ACTL6B: variants seen among roughly 807,000 people sequenced by gnomAD.
The protein encoded by ACTL6B is actin like 6B.
Under a neutral mutation model 63.3 loss-of-function variants are expected in ACTL6B, and 48 were observed. The observed-to-expected ratio is 0.76, with a 90% CI of 0.60 to 0.96. ACTL6B has a LOEUF of 0.96. Ranked by LOEUF, ACTL6B falls within the 50% of genes least tolerant of loss-of-function variation. The probability of loss-of-function intolerance (pLI) is 0.00; values close to 1 mark genes in which losing one functional copy is unlikely to be tolerated. For missense variants in ACTL6B, 350 were observed against 572.2 expected (o/e 0.61, Z 3.96); for synonymous variants, 230 against 223.8 (o/e 1.03, Z -0.25).
chr7:100,648,475 A>G lies in ACTL6B; in HGVS notation c.669+81T>C, dbSNP rs1803868593. On this transcript the variant is annotated intron_variant, in intron 7 of 13. Coordinates refer to ENST00000160382, the MANE Select transcript of ACTL6B (RefSeq NM_016188.5). This position sits in a 1 kb window ranked among gnomAD's most constrained non-coding sequence, Gnocchi z 4.4. ...GGAGCCTGCTGCTCTCTGCTCTGAT[A>G]TCTCATGTGTCAGAGGGTTGACGGC... The G allele has an allele frequency of 5.8e-5, 71 of 1,230,958 alleles. No homozygotes were observed. The highest frequency in any genetic ancestry group is 3.9e-4 in the East Asian group (15 of 38,368). 76.3% of individuals were successfully genotyped at this position (1,230,958 alleles called of 1,614,324 possible). A position where few individuals can be genotyped will look rare whatever the true frequency, so the allele number is the denominator to read the frequency against.
At position 100,647,661 on chromosome 7, in the gene ACTL6B, G is replaced by C. The variant is rs977041963; in HGVS notation, c.670-128C>G. On this transcript the variant is annotated intron_variant, in intron 7 of 13. Coordinates refer to ENST00000160382, the MANE Select transcript of ACTL6B (RefSeq NM_016188.5). This position sits in a 1 kb window ranked among gnomAD's most constrained non-coding sequence, Gnocchi z 4.4. Reference sequence around the variant, plus strand: ...CTCTGCTGTGCTGCCTGCAAGAGGGGTTTCTCACCCTTCCCTGATGGAGAG... The same window carrying C: ...CTCTGCTGTGCTGCCTGCAAGAGGGCTTTCTCACCCTTCCCTGATGGAGAG... The C allele has an allele frequency of 3.0e-6, 2 of 668,686 alleles. No individual in the cohort carries two copies. The highest frequency in any genetic ancestry group is 3.6e-5 in the African/African-American group (2 of 55,470). 41.4% of individuals were successfully genotyped at this position (668,686 alleles called of 1,614,324 possible).
Position 100,646,374 on chromosome 7 carries a change from G to T in ACTL6B, c.1114-39C>A. 1 of 1,606,264 alleles carries T rather than the reference G, an allele frequency of 6.2e-7. No individual in the cohort carries two copies. Among genetic ancestry groups the T allele is most frequent in the Non-Finnish European group, 8.5e-7 (1 of 1,175,496 alleles). On this transcript the variant is annotated intron_variant, in intron 12 of 13. Transcript: ENST00000160382. The surrounding 1 kb of genome is among the most constrained non-coding windows in gnomAD (Gnocchi z 6.1). ...GGGGCTGGGGGAAGCAGACACCTAG[G>T]TTCTGGGAAGGGACAGGGCTTGGGG...
chr7:100,644,500 T>A (rs756695655), intron 13 of ACTL6B, among the ~76,000 whole-genome samples: 2 of 152,062 alleles, frequency 1.3e-5, no homozygotes, highest in Non-Finnish European at 2.9e-5. Context: ...GTCACCCAGG[T>A]TGGAATGCAG....
chr7:100,643,726 G>A (rs1301924522), intron 13 of ACTL6B, among the ~76,000 whole-genome samples: 5 of 151,876 alleles, frequency 3.3e-5, no homozygotes, highest in South Asian at 2.1e-4. Context: ...TTGGAACACC[G>A]CCAGTCTCCC....
chr7:100,647,658 G>C lies in ACTL6B; in HGVS notation c.670-125C>G. ...AGGCTCTGCTGTGCTGCCTGCAAGAGGGGTTTCTCACCCTTCCCTGATGGA... is the reference window on the plus strand; with the variant it reads ...AGGCTCTGCTGTGCTGCCTGCAAGACGGGTTTCTCACCCTTCCCTGATGGA... On this transcript the variant is annotated intron_variant, in intron 7 of 13. Coordinates refer to ENST00000160382, the MANE Select transcript of ACTL6B (RefSeq NM_016188.5). This position sits in a 1 kb window ranked among gnomAD's most constrained non-coding sequence, Gnocchi z 4.4. 1 of 692,678 alleles carries C rather than the reference G, an allele frequency of 1.4e-6. No homozygotes were observed. Among genetic ancestry groups the C allele is most frequent in the African/African-American group, 1.8e-5 (1 of 55,954 alleles). 42.9% of individuals were successfully genotyped at this position (692,678 alleles called of 1,614,324 possible).
In ACTL6B at chr7:100,656,315, C is replaced by T; in HGVS notation, c.25+15G>A. 2 of 1,384,604 alleles carry T rather than the reference C, an allele frequency of 1.4e-6. No individual in the cohort carries two copies. Among genetic ancestry groups the T allele is most frequent in the Non-Finnish European group, 9.4e-7 (1 of 1,066,088 alleles). The allele number at this position is 1,384,604 out of a possible 1,614,324, so 85.8% of individuals were successfully genotyped here. On this transcript the variant is annotated intron_variant, in intron 1 of 13. Coordinates refer to ENST00000160382, the MANE Select transcript of ACTL6B (RefSeq NM_016188.5). ...ACGCAGGGCTGCGGGAGCCGGGGGC[C>T]CGAGGCTCGCTCACCTCCGCCGTAG...
Position 100,648,281 on chromosome 7 carries a change from G to C in ACTL6B, c.669+275C>G. 3.6e-6 allele frequency: 1 copy of C among 280,424 alleles called. No individual in the cohort carries two copies. Among genetic ancestry groups the C allele is most frequent in the African/African-American group, 2.2e-5 (1 of 45,524 alleles). 17.4% of individuals were successfully genotyped at this position (280,424 alleles called of 1,614,324 possible). ...CCGGTCCTGCAGCTCTTGCACGGCAGAGGCAGAACTTGAACCTGGGTCTAT... is the reference window on the plus strand; with the variant it reads ...CCGGTCCTGCAGCTCTTGCACGGCACAGGCAGAACTTGAACCTGGGTCTAT... On this transcript the variant is annotated intron_variant, in intron 7 of 13. Coordinates refer to ENST00000160382, the MANE Select transcript of ACTL6B (RefSeq NM_016188.5). The surrounding 1 kb of genome is among the most constrained non-coding windows in gnomAD (Gnocchi z 4.4).
Position 100,647,379 on chromosome 7 carries a change from C to G in ACTL6B, c.759+65G>C, listed in dbSNP as rs1803844362. 2 of 1,595,718 alleles carry G rather than the reference C, an allele frequency of 1.3e-6. No homozygotes were observed. Among genetic ancestry groups the G allele is most frequent in the East Asian group, 4.5e-5 (2 of 44,804 alleles). The stretch of plus-strand genomic sequence containing the variant: ...CCCTGCTCCCCCTCCCATGCGGGGC[C>G]TCTGTCCCGCCCCCGATTCATGGCA... On this transcript the variant is annotated intron_variant, in intron 8 of 13. Transcript: ENST00000160382. This position sits in a 1 kb window ranked among gnomAD's most constrained non-coding sequence, Gnocchi z 4.4.
intron 4 of ACTL6B, among the ~76,000 whole-genome samples, chr7:100,654,246 A>G (rs1803995730): frequency 6.6e-6 from 1 of 151,742 alleles, no homozygotes; most frequent in Admixed American, 6.6e-5. Flanking sequence ...TGCTGGGATT[A>G]CAGGCGTGAG....
intron 4 of ACTL6B, among the ~76,000 whole-genome samples, chr7:100,654,231 C>G (rs573923007): frequency 6.6e-6 from 1 of 151,736 alleles, no homozygotes; most frequent in Non-Finnish European, 1.5e-5. Context: ...CTCGGCCTCC[C>G]AAAGTGCTGG....
rs1212380199 is a variant in ACTL6B, at chr7:100,650,123, C to A, written c.382G>T (p.Ala128Ser). Residue 128 changes from alanine (A) to serine (S), a missense_variant, in exon 5 of 14, where the codon GCC becomes TCC. Ala to Ser is a moderately conservative substitution (Grantham distance 99). This residue lies in a region of ACTL6B where 250 missense variants were observed against 364.7 expected (regional missense o/e 0.69). Coordinates refer to ENST00000160382, the MANE Select transcript of ACTL6B (RefSeq NM_016188.5). The stretch of plus-strand genomic sequence containing the variant: ...AGCTCTGTCAGCTTCTCCCGCTTGG[C>A]CCGTGTGTTCCACTGTGGAGAAAGT... ...LMSEAPWNTR[A>S]KREKLTELMF... The A allele has an allele frequency of 9.9e-6, 16 of 1,613,662 alleles. No homozygotes were observed. Among genetic ancestry groups the A allele is most frequent in the Non-Finnish European group, 1.4e-5 (16 of 1,179,942 alleles).
At chr7:100,652,999 C>CAAAAAAAAAAAAAAAAA (rs58707737) in intron 4 of ACTL6B, among the ~76,000 whole-genome samples, 2 of 25,948 alleles carry the variant, frequency 7.7e-5, no homozygotes, top group Admixed American at 7.5e-4. Context: ...AACTCCGTCT[C>CAAAAAAAAAAAAAAAAA]AAAAAAAAAA....
In ACTL6B at chr7:100,643,305, T is replaced by G. The variant is rs559069122; in HGVS notation, c.1222A>C (p.Ile408Leu). The change falls in exon 14 of 14, where the codon ATC (isoleucine) becomes CTC (leucine). Residue 408 changes from isoleucine (I) to leucine (L), a missense_variant. Ile to Leu is a conservative substitution (Grantham distance 5, BLOSUM62 2). Around this residue, in one of 3 missense-constraint regions of ACTL6B, gnomAD observed 76 missense variants for 126.1 expected, o/e 0.60. Transcript: ENST00000160382. ...ASLGTFQQMW[I>L]SKQEYEEGGK... ...CCCTCCTCATATTCCTGCTTGGAGA[T>G]CCACATCTGCTGGAAAGTGCCCTGG... The G allele has an allele frequency of 6.2e-7, 1 of 1,613,782 alleles. No individual in the cohort carries two copies. Among genetic ancestry groups the G allele is most frequent in the East Asian group, 2.2e-5 (1 of 44,828 alleles).
rs769415866 is a variant in ACTL6B at position 100,643,318 on chromosome 7, G to A, written c.1209C>T (p.Phe403=). 1 of 1,613,726 alleles carries A rather than the reference G, an allele frequency of 6.2e-7. No individual in the cohort carries two copies. Among genetic ancestry groups the A allele is most frequent in the Non-Finnish European group, 8.5e-7 (1 of 1,179,972 alleles). The change falls in exon 14 of 14, where the codon TTC becomes TTT. Residue 403 remains phenylalanine, a synonymous_variant. Coordinates refer to ENST00000160382, the MANE Select transcript of ACTL6B (RefSeq NM_016188.5). ...GGSILASLGT[F]QQMWISKQEY... ...CCTGCTTGGAGATCCACATCTGCTGGAAAGTGCCCTGGGTGGAGGGGGTAA... is the reference window on the plus strand; with the variant it reads ...CCTGCTTGGAGATCCACATCTGCTGAAAAGTGCCCTGGGTGGAGGGGGTAA...
intron 13 of ACTL6B, among the ~76,000 whole-genome samples, chr7:100,644,736 T>A (rs1022102567): frequency 5.4e-5 from 8 of 147,204 alleles, no homozygotes; most frequent in Admixed American, 6.8e-5. Flanking sequence ...TGTGAGCCAC[T>A]CCACTTGTCC....
Position 100,656,308 on chromosome 7 carries a change from CGGG to C in ACTL6B, c.25+19_25+21del, listed in dbSNP as rs1562851696. ...GTTTGGAACGCAGGGCTGCGGGAGC[CGGG>C]GGCCCGAGGCTCGCTCACCTCCGCC... On this transcript the variant is annotated intron_variant, in intron 1 of 13. Transcript: ENST00000160382. The C allele has an allele frequency of 3.6e-6, 5 of 1,379,608 alleles. No individual in the cohort carries two copies. In the South Asian group the frequency reaches 8.2e-5, roughly 23 times the overall value. 85.5% of individuals were successfully genotyped at this position (1,379,608 alleles called of 1,614,324 possible).
In ACTL6B at chr7:100,647,142, G is replaced by T; in HGVS notation, c.822-57C>A. On this transcript the variant is annotated intron_variant, in intron 9 of 13. Transcript: ENST00000160382. This position sits in a 1 kb window ranked among gnomAD's most constrained non-coding sequence, Gnocchi z 4.4. The stretch of plus-strand genomic sequence containing the variant: ...GTGCTCAAGAAGGATCAGTGCGTGG[G>T]CAGCACCAGAGCCCCCCAGCCCACC... 1 of 1,610,876 alleles carries T rather than the reference G, an allele frequency of 6.2e-7. No homozygotes were observed. The highest frequency in any genetic ancestry group is 8.5e-7 in the Non-Finnish European group (1 of 1,177,390).
In ACTL6B at chr7:100,648,462, T is replaced by C. The variant is rs1803868542; in HGVS notation, c.669+94A>G. Reference sequence around the variant, plus strand: ...CAGGACCCACTGGGGAGCCTGCTGCTCTCTGCTCTGATATCTCATGTGTCA... The same window carrying C: ...CAGGACCCACTGGGGAGCCTGCTGCCCTCTGCTCTGATATCTCATGTGTCA... On this transcript the variant is annotated intron_variant, in intron 7 of 13. Coordinates refer to ENST00000160382, the MANE Select transcript of ACTL6B (RefSeq NM_016188.5). The surrounding 1 kb of genome is among the most constrained non-coding windows in gnomAD (Gnocchi z 4.4). The C allele has an allele frequency of 1.8e-6, 2 of 1,130,808 alleles. No homozygotes were observed. The highest frequency in any genetic ancestry group is 1.7e-5 in the South Asian group (1 of 59,770). 70.0% of individuals were successfully genotyped at this position (1,130,808 alleles called of 1,614,324 possible).
intron 4 of ACTL6B, among the ~76,000 whole-genome samples, chr7:100,651,013 A>G (rs770926613): frequency 6.6e-6 from 1 of 152,218 alleles, no homozygotes; most frequent in Non-Finnish European, 1.5e-5. Flanking sequence ...CACACTGAGG[A>G]TAAAGTAAAA....
Sources: gnomAD v4.1 joint callset for allele counts (sites outside exome capture counted in the v4.1 genomes callset) on GRCh38, gnomAD v4.1.1 for gene constraint, gnomAD v4.1.1 regional missense constraint, Gnocchi (gnomAD v3.1) non-coding constraint, MANE v1.5 for transcripts, NCBI Gene and HGNC (gene_info 2026-07-23, HGNC 2026-07-21) for gene names.